Variants in MCFD2 observed in about 807,000 individuals in gnomAD.
The protein encoded by MCFD2 is multiple coagulation factor deficiency protein 2.
MCFD2 carries 11 observed loss-of-function variants against 12.8 expected under a neutral mutation model. The ratio of observed to expected loss-of-function variants is 0.86; its 90% confidence interval spans 0.54 to 1.42. The LOEUF (loss-of-function observed/expected upper bound fraction) is 1.42. Ranked by LOEUF, MCFD2 falls within the 40% of genes most tolerant of loss-of-function variation. The pLI is 0.00. For missense variants in MCFD2, 191 were observed against 178.6 expected, an observed-to-expected ratio of 1.07 and a Z score of -0.40; for synonymous variants, 70 against 68.1, an observed-to-expected ratio of 1.03 and a Z score of -0.14.
chr2:46,934,812 TTTTTTTTG>T, intron 1 of MCFD2, among the ~76,000 whole-genome samples: 1 of 133,978 alleles, frequency 7.5e-6, no homozygotes, highest in African/African-American at 2.9e-5. Context: ...TTTTTTTTTT[TTTTTTTTG>T]AGACTGAGTC....
In MCFD2 at chr2:46,941,771, C is replaced by A; in HGVS notation, c.-207G>T. ...GCTCGCCGGCAGCGAGCGCGCGAAA[C>A]GCACCGCCTCCTCCAGGAAGCGCGC... On this transcript the variant is annotated 5_prime_UTR_variant, in exon 1 of 3. Coordinates refer to the MCFD2 transcript ENST00000409147. This position sits in a 1 kb window ranked among gnomAD's most constrained non-coding sequence, Gnocchi z 4.2. 1.3e-6 allele frequency: 2 copies of A among 1,545,620 alleles called. No individual in the cohort carries two copies. The highest frequency in any genetic ancestry group is 1.7e-6 in the Non-Finnish European group (2 of 1,144,838).
At chr2:46,939,209 C>T (rs1407630828) in intron 1 of MCFD2, among the ~76,000 whole-genome samples, 3 of 152,088 alleles carry the variant, frequency 2.0e-5, no homozygotes, top group Non-Finnish European at 4.4e-5. Flanking sequence ...ACTGACCCAT[C>T]TAAACCTCTA....
chr2:46,921,077 CTG>C (rs1669079606), intron 1 of MCFD2, among the ~76,000 whole-genome samples: 1 of 151,988 alleles, frequency 6.6e-6, no homozygotes, highest in South Asian at 2.1e-4. Context: ...GAGTGAAAGA[CTG>C]AATGCTTTTC....
At chr2:46,933,952 C>G (rs1669838927) in intron 1 of MCFD2, among the ~76,000 whole-genome samples, 1 of 152,164 alleles carries the variant, frequency 6.6e-6, no homozygotes, top group African/African-American at 2.4e-5. Context: ...GGGAGGGCAT[C>G]TCATTAGGCT....
At chr2:46,938,800 TC>T (rs545856474) in intron 1 of MCFD2, among the ~76,000 whole-genome samples, 171 of 151,416 alleles carry the variant, frequency 1.1e-3, no homozygotes, top group Admixed American at 2.4e-3. Flanking sequence ...GATCATGAGG[TC>T]AGGAGTTTGA....
Position 46,901,897 on chromosome 2 carries a change from T to G in MCFD2, c.*3566A>C, listed in dbSNP as rs1668029447. ...GGTTTTGCTTCATCAGTTTTATTGG[T>G]CATATATCCAGAATTCATCATATAT... On this transcript the variant is annotated 3_prime_UTR_variant, in exon 4 of 4. Transcript: ENST00000319466. The surrounding 1 kb of genome is among the most constrained non-coding windows in gnomAD (Gnocchi z 4.3). 1 of 152,668 alleles carries G rather than the reference T, an allele frequency of 6.6e-6. No individual in the cohort carries two copies. Among genetic ancestry groups the G allele is most frequent in the South Asian group, 2.1e-4 (1 of 4,832 alleles). The allele number at this position is 152,668 out of a possible 1,614,324, so 9.5% of individuals were successfully genotyped here.
chr2:46,924,680 G>A (rs1235000961), intron 1 of MCFD2, among the ~76,000 whole-genome samples: 1 of 151,856 alleles, frequency 6.6e-6, no homozygotes, highest in African/African-American at 2.4e-5. Flanking sequence ...TGGCTGGAGC[G>A]CAGTGGTGCG....
At chr2:46,932,667 A>G (rs1669768029) in intron 1 of MCFD2, among the ~76,000 whole-genome samples, 1 of 152,062 alleles carries the variant, frequency 6.6e-6, no homozygotes, top group African/African-American at 2.4e-5. Flanking sequence ...TTGGGAGGCC[A>G]AGATGGGTGG....
At chr2:46,923,899 A>G (rs1463776225) in intron 1 of MCFD2, among the ~76,000 whole-genome samples, 1 of 151,718 alleles carries the variant, frequency 6.6e-6, no homozygotes, top group Non-Finnish European at 1.5e-5. Context: ...CGCCCAGCTA[A>G]TTTTCTTTGT....
At chr2:46,928,302 G>GA (rs891982786) in intron 1 of MCFD2, among the ~76,000 whole-genome samples, 9 of 151,330 alleles carry the variant, frequency 5.9e-5, no homozygotes, top group African/African-American at 2.2e-4. Context: ...GGCAGGTTGT[G>GA]AAAAAACATT....
rs915002774 is a variant in MCFD2, at chr2:46,904,062, G to C, written c.*1401C>G. On this transcript the variant is annotated 3_prime_UTR_variant, in exon 4 of 4. Coordinates refer to ENST00000319466, the MANE Select transcript of MCFD2 (RefSeq NM_139279.6). Reference sequence around the variant, plus strand: ...ACATACAGCTCGGGCTGTGGCTTCAGAGTGGAAGCCCCAAGCCTTGGCAGC... The same window carrying C: ...ACATACAGCTCGGGCTGTGGCTTCACAGTGGAAGCCCCAAGCCTTGGCAGC... The C allele has an allele frequency of 6.6e-6, 1 of 152,254 alleles. No homozygotes were observed. The allele number at this position is 152,254 out of a possible 1,614,324, so 9.4% of individuals were successfully genotyped here. A position where few individuals can be genotyped will look rare whatever the true frequency, so the allele number is the denominator to read the frequency against.
chr2:46,914,219 CT>C (rs1668600253), intron 1 of MCFD2: 1 of 152,312 alleles, frequency 6.6e-6, no homozygotes, highest in Non-Finnish European at 1.5e-5. Context: ...TGGCCCAACC[CT>C]TTCTTCCTGG....
intron 1 of MCFD2, among the ~76,000 whole-genome samples, chr2:46,909,582 T>C (rs930106300): frequency 1.3e-5 from 2 of 152,028 alleles, no homozygotes; most frequent in Admixed American, 1.3e-4. Flanking sequence ...GGGGAAGAAA[T>C]CTCCTCCGAG....
At position 46,909,130 on chromosome 2, in the gene MCFD2, G is replaced by A. The variant is rs760517048; in HGVS notation, c.42C>T (p.Gly14=). The change falls in exon 2 of 4, where the codon GGC becomes GGT. Residue 14 remains glycine (G), a synonymous_variant. Transcript: ENST00000319466. ...CTGGGGCACAAAAGGCCCAGAGCAG[G>A]CCACACAGGAAGGGGGTTCTGAGCA... ...RSLLRTPFLC[G]LLWAFCAPGA... is the part of the protein sequence containing the mutation. 6.2e-7 allele frequency: 1 copy of A among 1,614,208 alleles called. No homozygotes were observed. The highest frequency in any genetic ancestry group is 1.1e-5 in the South Asian group (1 of 91,084).
intron 3 of MCFD2, among the ~76,000 whole-genome samples, chr2:46,906,361 C>G (rs1264914208): frequency 6.6e-6 from 1 of 152,152 alleles, no homozygotes; most frequent in East Asian, 1.9e-4. Flanking sequence ...CAAACCTCAC[C>G]TGCACTCCTA....
chr2:46,924,217 A>AC (rs1163730789), intron 1 of MCFD2, among the ~76,000 whole-genome samples: 1 of 151,632 alleles, frequency 6.6e-6, no homozygotes, highest in African/African-American at 2.4e-5. Flanking sequence ...AAAAAAAAAA[A>AC]AAACCCAACT....
rs1041638738 is a variant in MCFD2 at position 46,941,570 on chromosome 2, A to T, written c.-8+2T>A. 1.2e-5 allele frequency: 19 copies of T among 1,557,164 alleles called. No homozygotes were observed. The highest frequency in any genetic ancestry group is 1.7e-5 in the Non-Finnish European group (19 of 1,151,076). The stretch of plus-strand genomic sequence containing the variant: ...GCTGCGAAGGGCGCGCACGGCTCCT[A>T]CCTGAAGGTGGAGAGCGAGCTGGAG... On this transcript the variant is annotated splice_donor_variant, in intron 1 of 2. Coordinates refer to the MCFD2 transcript ENST00000409147. LOFTEE classifies it low-confidence loss of function (5UTR_SPLICE). The surrounding 1 kb of genome is among the most constrained non-coding windows in gnomAD (Gnocchi z 4.2).
intron 1 of MCFD2, among the ~76,000 whole-genome samples, chr2:46,929,392 C>G (rs1040693177): frequency 6.6e-6 from 1 of 151,888 alleles, no homozygotes; most frequent in Admixed American, 6.6e-5. Flanking sequence ...GAGGCTGAGG[C>G]AGGATTGCTT....
upstream of MCFD2, chr2:46,916,008 C>T (rs538061788): frequency 5.1e-6 from 5 of 985,470 alleles, no homozygotes; most frequent in African/African-American, 7.0e-5. Flanking sequence ...ACACTCGGCT[C>T]CACTCCAGTT....
Sources: allele counts gnomAD v4.1 joint callset (sites outside exome capture counted in the v4.1 genomes callset), GRCh38; gene constraint gnomAD v4.1.1; non-coding constraint Gnocchi (gnomAD v3.1); transcripts MANE v1.5; gene names NCBI Gene and HGNC (gene_info 2026-07-23, HGNC 2026-07-21).